MELK: variants seen among roughly 807,000 people sequenced by gnomAD.
MELK encodes pEg3 kinase.
MELK carries 81 observed loss-of-function variants against 85.0 expected under a neutral mutation model. The ratio of observed to expected loss-of-function variants is 0.95; its 90% CI spans 0.80 to 1.15. The LOEUF is 1.15. Ranked by LOEUF, MELK falls within the 50% of genes most tolerant of loss-of-function variation. MELK has a pLI of 0.00. For synonymous variants in MELK, 252 were observed against 265.0 expected (o/e 0.95, Z 0.48); for missense variants, 754 against 777.5 (o/e 0.97, Z 0.36).
chr9:36,603,555 C>T (rs1825143986), intron 7 of MELK, among the ~76,000 whole-genome samples: 1 of 151,990 alleles, frequency 6.6e-6, no homozygotes, highest in Non-Finnish European at 1.5e-5. Flanking sequence ...CCTCAGCCTC[C>T]CAAGTAGCTG....
intron 3 of MELK, among the ~76,000 whole-genome samples, chr9:36,586,751 CATTA>C (rs1822953245): frequency 6.6e-6 from 1 of 152,096 alleles, no homozygotes; most frequent in African/African-American, 2.4e-5. Context: ...CGTAATATGA[CATTA>C]ATTCATGATT....
At chr9:36,659,532 T>C (rs1831587905) in intron 13 of MELK, among the ~76,000 whole-genome samples, 1 of 152,202 alleles carries the variant, frequency 6.6e-6, no homozygotes. Context: ...ATGATGGTGG[T>C]CCATGAGATT....
chr9:36,665,518 A>G lies in MELK; in HGVS notation c.1345A>G (p.Asn449Asp). The change falls in exon 14 of 18, where the codon AAT (asparagine) becomes GAT (aspartate). Residue 449 changes from asparagine to aspartate, a missense_variant. By Grantham distance (23) the Asn-to-Asp change is conservative (BLOSUM62 1). Transcript: ENST00000298048. ...GTTTCCTGAGCCAAAGACTCCAGTT[A>G]ATAAGAACCAGCATAAGAGAGAAAT... Reference protein sequence around the residue: ...FMFPEPKTPVNKNQHKREILT... With the variant: ...FMFPEPKTPVDKNQHKREILT... 6.2e-7 allele frequency: 1 copy of G among 1,613,974 alleles called. No homozygotes were observed. Among genetic ancestry groups the G allele is most frequent in the African/African-American group, 1.3e-5 (1 of 75,056 alleles).
chr9:36,605,120 T>A (rs754808083), intron 7 of MELK, among the ~76,000 whole-genome samples: 3 of 151,958 alleles, frequency 2.0e-5, no homozygotes, highest in Admixed American at 1.3e-4. Flanking sequence ...TTGAACTCCC[T>A]ACTTCAGGTG....
chr9:36,672,395 C>T (rs1192660526), intron 16 of MELK, among the ~76,000 whole-genome samples: 1 of 152,162 alleles, frequency 6.6e-6, no homozygotes, highest in Non-Finnish European at 1.5e-5. Flanking sequence ...AGTTCAACCA[C>T]ATATATACAC....
intron 2 of MELK, among the ~76,000 whole-genome samples, chr9:36,582,348 A>G (rs544575227): frequency 6.6e-6 from 1 of 152,260 alleles, no homozygotes; most frequent in East Asian, 1.9e-4. Flanking sequence ...CTTTGTTTTT[A>G]CAGAGTTGCT....
intron 4 of MELK, 129 bp downstream of exon 4, chr9:36,589,781 A>C: frequency 1.5e-6 from 1 of 651,992 alleles, no homozygotes; most frequent in East Asian, 2.7e-5. Context: ...CATTTGTAAC[A>C]ATTTAGATTA....
chr9:36,574,719 GC>G (rs1424424733), intron 1 of MELK, among the ~76,000 whole-genome samples: 1 of 152,210 alleles, frequency 6.6e-6, no homozygotes, highest in Non-Finnish European at 1.5e-5. Flanking sequence ...TATTTATGCG[GC>G]AAGTAATAGA....
intron 11 of MELK, among the ~76,000 whole-genome samples, chr9:36,646,780 G>T (rs1830253848): frequency 6.6e-6 from 1 of 152,304 alleles, no homozygotes; most frequent in South Asian, 2.1e-4. Flanking sequence ...GGAAGGGTAG[G>T]GGCCACTCCT....
chr9:36,627,053 AACACAC>A (rs10608377), intron 8 of MELK, among the ~76,000 whole-genome samples: 283 of 140,952 alleles, frequency 2.0e-3, no homozygotes, highest in East Asian at 6.8e-3. Context: ...CACAAGCGCA[AACACAC>A]ACACACACAC....
In MELK at chr9:36,606,644, T is replaced by C. The variant is rs555438924; in HGVS notation, c.568-931T>C. Among the ~76,000 whole-genome samples, 5 of 146,812 alleles carry C rather than the reference T, an allele frequency of 3.4e-5. No individual in the cohort carries two copies. In the East Asian group the frequency reaches 5.9e-4, roughly 17 times the overall value. ...GTGTATATATGGACATATATGTATA[T>C]ATGGACACATATGTATATGTATATA... On this transcript the variant is annotated intron_variant, in intron 7 of 17. Transcript: ENST00000298048.
intron 16 of MELK, among the ~76,000 whole-genome samples, chr9:36,672,922 G>C (rs1015254466): frequency 1.7e-4 from 26 of 152,072 alleles, no homozygotes; most frequent in African/African-American, 6.3e-4. Flanking sequence ...ATGCTTTTAA[G>C]TTTTTGCAAA....
chr9:36,618,954 T>C (rs1827121612), intron 8 of MELK, among the ~76,000 whole-genome samples: 1 of 147,154 alleles, frequency 6.8e-6, no homozygotes, highest in South Asian at 2.2e-4. Flanking sequence ...TGGTCAACTC[T>C]AAGTATTTTT....
At chr9:36,630,044 C>T in intron 8 of MELK, 1 of 339,150 alleles carries the variant, frequency 2.9e-6, no homozygotes, top group East Asian at 5.5e-5. Context: ...AGTGTTTCAC[C>T]ACGTTGGCCA....
intron 17 of MELK, among the ~76,000 whole-genome samples, chr9:36,676,898 A>G (rs145099494): frequency 6.6e-6 from 1 of 152,168 alleles, no homozygotes; most frequent in Non-Finnish European, 1.5e-5. Context: ...GCTATGAAAC[A>G]GGGGCTTTTC....
chr9:36,624,684 C>A (rs1827773063), intron 8 of MELK, among the ~76,000 whole-genome samples: 1 of 152,166 alleles, frequency 6.6e-6, no homozygotes, highest in Non-Finnish European at 1.5e-5. Context: ...TATGGTAGAG[C>A]TCTCTTTATT....
chr9:36,672,192 A>G (rs1353153565), intron 16 of MELK, among the ~76,000 whole-genome samples: 1 of 152,200 alleles, frequency 6.6e-6, no homozygotes, highest in Non-Finnish European at 1.5e-5. Context: ...GGAGTTATCC[A>G]CTAGCAGTCA....
intron 10 of MELK, 53 bp from the exon 11 acceptor site, chr9:36,642,944 A>G: frequency 7.8e-7 from 1 of 1,288,756 alleles, no homozygotes; most frequent in Admixed American, 2.0e-5. Context: ...ATGTGAAAAC[A>G]TTGAATATAT....
chr9:36,658,789 C>T (rs1246354448), intron 13 of MELK, among the ~76,000 whole-genome samples: 2 of 152,152 alleles, frequency 1.3e-5, no homozygotes, highest in East Asian at 3.9e-4. Context: ...GCAACCTCTG[C>T]CTCCCGGGTT....
Sources: gnomAD v4.1 joint callset for allele counts (sites outside exome capture counted in the v4.1 genomes callset) on GRCh38, gnomAD v4.1.1 for gene constraint, MANE v1.5 for transcripts, NCBI Gene and HGNC (gene_info 2026-07-23, HGNC 2026-07-21) for gene names.